Variants in ZNF106 observed in about 807,000 individuals in gnomAD.
The protein encoded by ZNF106 is SH3-domain binding protein 3.
In ZNF106, 67 loss-of-function variants were observed where a neutral mutation model predicts 195.1. The observed-to-expected ratio is 0.34, with a 90% CI of 0.28 to 0.42. The LOEUF (loss-of-function observed/expected upper bound fraction) is 0.42. Ranked by LOEUF, ZNF106 falls within the 10% of genes least tolerant of loss-of-function variation. The pLI is 1.00. For missense variants in ZNF106, 2,118 were observed against 2,304.5 expected, an observed-to-expected ratio of 0.92 and a Z score of 1.66; for synonymous variants, 784 against 818.6, an observed-to-expected ratio of 0.96 and a Z score of 0.72.
chr15:42,459,857 G>A (rs1202109052), intron 3 of ZNF106, among the ~76,000 whole-genome samples: 4 of 151,760 alleles, frequency 2.6e-5, no homozygotes, highest in Admixed American at 6.6e-5. Context: ...TGGCCAATAC[G>A]GTGAAACCCC....
intron 1 of ZNF106, among the ~76,000 whole-genome samples, chr15:42,486,922 G>C (rs561783863): frequency 1.3e-5 from 2 of 151,520 alleles, no homozygotes; most frequent in African/African-American, 2.4e-5. Context: ...AGGCTGAGGT[G>C]GGGGGATCAC....
chr15:42,456,547 G>A (rs1334290923), intron 4 of ZNF106, among the ~76,000 whole-genome samples: 1 of 151,904 alleles, frequency 6.6e-6, no homozygotes, highest in East Asian at 1.9e-4. Context: ...AGCTACTCAG[G>A]AGGCTGAGGC....
chr15:42,472,119 T>C lies in ZNF106; in HGVS notation c.54+117A>G, dbSNP rs2056683871. 3 of 988,836 alleles carry C rather than the reference T, an allele frequency of 3.0e-6. No homozygotes were observed. The Admixed American group carries it at 9.6e-5, about 32-fold the overall frequency. 61.3% of individuals were successfully genotyped at this position (988,836 alleles called of 1,614,324 possible). A position where few individuals can be genotyped will look rare whatever the true frequency, so the allele number is the denominator to read the frequency against. The stretch of plus-strand genomic sequence containing the variant: ...AAAGAAAAGAAGCATAAATAAGACA[T>C]TGTCAAAGCTTTTCCTATTAATAAC... On this transcript the variant is annotated intron_variant, in intron 2 of 21. Coordinates refer to ENST00000564754, the MANE Select transcript of ZNF106 (RefSeq NM_001366845.3).
intron 1 of ZNF106, among the ~76,000 whole-genome samples, chr15:42,481,746 C>A (rs2056904948): frequency 6.6e-6 from 1 of 152,024 alleles, no homozygotes; most frequent in South Asian, 2.1e-4. Flanking sequence ...ATTCTCTATT[C>A]GCTTCTGACC....
intron 9 of ZNF106, 92 bp downstream of exon 9, chr15:42,444,109 CT>C (rs1339554929): frequency 3.1e-6 from 2 of 648,888 alleles, no homozygotes; most frequent in Non-Finnish European, 4.4e-6. Flanking sequence ...AAGACTCTGT[CT>C]CCAAAAAAAA....
chr15:42,424,022 C>A lies in ZNF106; in HGVS notation c.5229G>T (p.Gln1743His). Residue 1743 changes from glutamine (Q) to histidine (H), a missense_variant, in exon 17 of 22, where the codon CAG becomes CAT. Gln to His is a conservative substitution (Grantham distance 24, BLOSUM62 0). Coordinates refer to ENST00000564754, the MANE Select transcript of ZNF106 (RefSeq NM_001366845.3). ...CGTGAATGTTGTGAGCATGGACTGACTGATCACTGGAGCCACTGAACACGA... is the reference window on the plus strand; with the variant it reads ...CGTGAATGTTGTGAGCATGGACTGAATGATCACTGGAGCCACTGAACACGA... ...NDLVFSGSSD[Q>H]SVHAHNIHTG... is the part of the protein sequence containing the mutation. 6.2e-7 allele frequency: 1 copy of A among 1,613,072 alleles called. No homozygotes were observed. The highest frequency in any genetic ancestry group is 8.5e-7 in the Non-Finnish European group (1 of 1,179,780).
Position 42,451,440 on chromosome 15 carries a change from GAC to G in ZNF106, c.830_831del (p.Cys277SerfsTer14). The G allele has an allele frequency of 6.2e-7, 1 of 1,614,118 alleles. No individual in the cohort carries two copies. The highest frequency in any genetic ancestry group is 8.5e-7 in the Non-Finnish European group (1 of 1,180,012). On this transcript the variant is annotated frameshift_variant, in exon 5 of 22. Coordinates refer to ENST00000564754, the MANE Select transcript of ZNF106 (RefSeq NM_001366845.3). LOFTEE classifies it high-confidence loss of function. The part of the protein sequence containing the change: ...FQPGRNRNSN[C>X]QMEDMTMLWN... The stretch of plus-strand genomic sequence containing the variant: ...CATAGCATAGTCATGTCTTCCATTT[GAC>G]AGTTAGAATTTCTGTTTCTGCCTGG...
chr15:42,474,796 C>T (rs1323321415), intron 1 of ZNF106, among the ~76,000 whole-genome samples: 2 of 152,108 alleles, frequency 1.3e-5, no homozygotes, highest in Non-Finnish European at 2.9e-5. Context: ...TAGATTAAGA[C>T]TCAACAATGG....
chr15:42,471,300 G>C (rs1229803634), intron 2 of ZNF106, among the ~76,000 whole-genome samples: 1 of 152,088 alleles, frequency 6.6e-6, no homozygotes, highest in Admixed American at 6.6e-5. Flanking sequence ...TGCATTTCCA[G>C]TAACAATCAA....
chr15:42,417,542 C>T (rs769656977), intron 21 of ZNF106, among the ~76,000 whole-genome samples, 182 bp from the exon 22 acceptor site: 1 of 152,182 alleles, frequency 6.6e-6, no homozygotes, highest in Non-Finnish European at 1.5e-5. Context: ...GTTGTCTCAG[C>T]ACAAGAGCAC....
At chr15:42,482,522 GTTT>G (rs905219332) in intron 1 of ZNF106, among the ~76,000 whole-genome samples, 1 of 82,552 alleles carries the variant, frequency 1.2e-5, no homozygotes, top group Non-Finnish European at 2.2e-5. Context: ...GAAATCTCCA[GTTT>G]TTTTTTTTTT....
chr15:42,417,410 AG>A (rs1445971500), intron 21 of ZNF106, 50 bp from the exon 22 acceptor site: 11 of 1,608,892 alleles, frequency 6.8e-6, no homozygotes, highest in Admixed American at 3.3e-5. Flanking sequence ...ATAGTAAGAC[AG>A]GAGAAAGTCA....
rs747996519 is a variant in ZNF106 at position 42,454,282 on chromosome 15, A to AAGTAACAAGTATTATTACATGC, written c.318-2350_318-2329dup. Among the ~76,000 whole-genome samples the AAGTAACAAGTATTATTACATGC allele has an allele frequency of 1.9e-3, 283 of 152,350 alleles. 2 individuals are homozygous for AAGTAACAAGTATTATTACATGC. Among genetic ancestry groups the AAGTAACAAGTATTATTACATGC allele is most frequent in the Non-Finnish European group, 1.1e-3 (73 of 68,030 alleles). Reference sequence around the variant, plus strand: ...ATTTCTAAACAGGAGACTCTTTAGAAAGTAACAAGTATTATTACATGCAGT... The same window carrying AAGTAACAAGTATTATTACATGC: ...ATTTCTAAACAGGAGACTCTTTAGAAAGTAACAAGTATTATTACATGCAGTAACAAGTATTATTACATGCAGT... On this transcript the variant is annotated intron_variant, in intron 4 of 21. Coordinates refer to ENST00000564754, the MANE Select transcript of ZNF106 (RefSeq NM_001366845.3).
chr15:42,440,440 G>A (rs2055454812), intron 10 of ZNF106, among the ~76,000 whole-genome samples: 1 of 152,016 alleles, frequency 6.6e-6, no homozygotes, highest in African/African-American at 2.4e-5. Context: ...CAAATATTAT[G>A]CAACTTGTAA....
rs544678463 is a variant in ZNF106 at position 42,420,688 on chromosome 15, A to G, written c.5517+373T>C. 2.0e-5 allele frequency among the ~76,000 whole-genome samples: 3 copies of G among 152,324 alleles called. No individual in the cohort carries two copies. The South Asian group carries it at 6.2e-4, about 32-fold the overall frequency. On this transcript the variant is annotated intron_variant, in intron 20 of 21. Coordinates refer to ENST00000564754, the MANE Select transcript of ZNF106 (RefSeq NM_001366845.3). ...AAAACCACACAATTCAGCCTGATGA[A>G]CTAAGGTTTAGAACTTACAAGACCT...
chr15:42,450,548 A>G lies in ZNF106; in HGVS notation c.1724T>C (p.Leu575Pro). ...LQCHESLQNPLLSTSKSTRNY... is the reference protein window; with the variant it reads ...LQCHESLQNPPLSTSKSTRNY... The stretch of plus-strand genomic sequence containing the variant: ...CCTGGTACTTTTAGAAGTGCTAAGA[A>G]GTGGATTTTGCAATGACTCATGACA... The change falls in exon 5 of 22, where the codon CTT becomes CCT. Residue 575 changes from leucine to proline, a missense_variant. Transcript: ENST00000564754. 6.2e-7 allele frequency: 1 copy of G among 1,614,186 alleles called. No individual in the cohort carries two copies. Among genetic ancestry groups the G allele is most frequent in the Non-Finnish European group, 8.5e-7 (1 of 1,180,036 alleles).
chr15:42,482,046 T>TCC (rs1411175643), intron 1 of ZNF106, among the ~76,000 whole-genome samples: 1 of 152,206 alleles, frequency 6.6e-6, no homozygotes. Flanking sequence ...TCCTTCAACT[T>TCC]TAATTTCAAG....
chr15:42,464,702 G>A (rs532218693), intron 3 of ZNF106, among the ~76,000 whole-genome samples: 34 of 151,736 alleles, frequency 2.2e-4, no homozygotes, highest in Admixed American at 2.2e-3. Flanking sequence ...AATTTTGGGG[G>A]TTTTTTGTGG....
intron 6 of ZNF106, among the ~76,000 whole-genome samples, 164 bp downstream of exon 6, chr15:42,447,904 TACTC>T (rs1408912888): frequency 2.6e-5 from 4 of 152,224 alleles, no homozygotes; most frequent in African/African-American, 9.6e-5. Context: ...TTAGCAGAAT[TACTC>T]AGTGTAAGAA....
Sources: gnomAD v4.1 joint callset for allele counts (sites outside exome capture counted in the v4.1 genomes callset) on GRCh38, gnomAD v4.1.1 for gene constraint, MANE v1.5 for transcripts, NCBI Gene and HGNC (gene_info 2026-07-23, HGNC 2026-07-21) for gene names.